The following CSNK2A2 variants were observed in gnomAD, a reference collection of about 807,000 sequenced individuals.
CSNK2A2 encodes casein kinase 2 alpha 2, also known as casein kinase II subunit alpha'.
Under a neutral mutation model 54.0 loss-of-function variants are expected in CSNK2A2, and 8 were observed. The observed-to-expected ratio is 0.15, with a 90% CI of 0.09 to 0.27. CSNK2A2 has a LOEUF of 0.27. Ranked by LOEUF, CSNK2A2 falls within the 10% of genes least tolerant of loss-of-function variation. The pLI is 1.00. For synonymous variants in CSNK2A2, 141 were observed against 153.9 expected, an observed-to-expected ratio of 0.92 and a Z score of 0.62; for missense variants, 242 against 439.4, an observed-to-expected ratio of 0.55 and a Z score of 4.02.
chr16:58,171,979 A>ATATTTTTTTTTTT (rs1261137669), intron 5 of CSNK2A2, among the ~76,000 whole-genome samples: 1 of 66,216 alleles, frequency 1.5e-5, no homozygotes, highest in Non-Finnish European at 2.5e-5. Flanking sequence ...ATATATATAT[A>ATATTTTTTTTTTT]TTTTTTTTTT....
intron 11 of CSNK2A2, chr16:58,158,976 G>C (rs930040667): frequency 2.6e-5 from 4 of 152,164 alleles, no homozygotes; most frequent in African/African-American, 9.7e-5. Flanking sequence ...GTGCCTCCCA[G>C]AACAGCACTA....
chr16:58,166,544 CG>C (rs763640601), intron 9 of CSNK2A2, 39 bp downstream of exon 9: 19 of 1,380,924 alleles, frequency 1.4e-5, no homozygotes, highest in Non-Finnish European at 1.8e-5. Flanking sequence ...ACTTCTGAAA[CG>C]GGGTAAGGTA....
intron 7 of CSNK2A2, among the ~76,000 whole-genome samples, 184 bp downstream of exon 7, chr16:58,167,501 A>G (rs1961601490): frequency 6.6e-6 from 1 of 152,132 alleles, no homozygotes; most frequent in African/African-American, 2.4e-5. Context: ...ACCTTTGCAG[A>G]TATTTTAGAT....
intron 11 of CSNK2A2, chr16:58,159,097 G>A (rs1214609556): frequency 6.6e-6 from 1 of 152,250 alleles, no homozygotes; most frequent in Non-Finnish European, 1.5e-5. Flanking sequence ...TTTGATTTGA[G>A]AAGGGCTGCA....
chr16:58,171,400 G>A (rs1250336404), intron 5 of CSNK2A2, among the ~76,000 whole-genome samples: 1 of 151,962 alleles, frequency 6.6e-6, no homozygotes, highest in Non-Finnish European at 1.5e-5. Flanking sequence ...GTGCGTGCCT[G>A]TAATCCCAAC....
At chr16:58,165,801 T>G (rs1017578071) in intron 9 of CSNK2A2, 93 bp from the exon 10 acceptor site, 5 of 1,343,018 alleles carry the variant, frequency 3.7e-6, no homozygotes, top group African/African-American at 2.9e-5. Context: ...CTCAGAATAA[T>G]GTACTGATTA....
chr16:58,168,462 T>A (rs2142414142), intron 6 of CSNK2A2, 148 bp downstream of exon 6: 1 of 599,044 alleles, frequency 1.7e-6, no homozygotes, highest in East Asian at 2.9e-5. Context: ...AAAGTAGAAA[T>A]CAACAATGGA....
rs1961205951 is a variant in CSNK2A2, at chr16:58,158,258, T to A, written c.*113A>T. On this transcript the variant is annotated 3_prime_UTR_variant, in exon 12 of 12. Transcript: ENST00000262506. ...GTGCTCGCCAAACCTGCCACCGTTTTGTGTCTGCTCACGGAACGTGATCTC... is the reference window on the plus strand; with the variant it reads ...GTGCTCGCCAAACCTGCCACCGTTTAGTGTCTGCTCACGGAACGTGATCTC... 1 of 152,706 alleles carries A rather than the reference T, an allele frequency of 6.5e-6. No individual in the cohort carries two copies. The allele number at this position is 152,706 out of a possible 1,614,324, so 9.5% of individuals were successfully genotyped here.
Position 58,165,711 on chromosome 16 carries a change from G to C in CSNK2A2, c.828-3C>G, listed in dbSNP as rs758745303. 2.5e-6 allele frequency: 4 copies of C among 1,606,426 alleles called. No homozygotes were observed. Among genetic ancestry groups the C allele is most frequent in the South Asian group, 1.1e-5 (1 of 89,406 alleles). ...TTTCCCAGCGTTTCCGTGAATGTCT[G>C]AGAAGAAAAATGAAGCATTAGTAAC... On this transcript the variant is annotated splice_region_variant and splice_polypyrimidine_tract_variant and intron_variant, in intron 9 of 11. Transcript: ENST00000262506.
chr16:58,191,242 T>C (rs1485247412), intron 2 of CSNK2A2, among the ~76,000 whole-genome samples: 1 of 152,210 alleles, frequency 6.6e-6, no homozygotes, highest in Non-Finnish European at 1.5e-5. Context: ...TACTGTTTAA[T>C]GGATAGAGTT....
intron 2 of CSNK2A2, among the ~76,000 whole-genome samples, chr16:58,194,564 A>T (rs1232081806): frequency 6.6e-6 from 1 of 152,240 alleles, no homozygotes; most frequent in Non-Finnish European, 1.5e-5. Context: ...ACATTTCATT[A>T]ACTAGGGGCC....
intron 5 of CSNK2A2, among the ~76,000 whole-genome samples, chr16:58,171,979 A>ATTTTTT (rs746200172): frequency 3.0e-5 from 2 of 66,186 alleles, no homozygotes; most frequent in African/African-American, 8.4e-5. Context: ...ATATATATAT[A>ATTTTTT]TTTTTTTTTT....
intron 4 of CSNK2A2, among the ~76,000 whole-genome samples, chr16:58,177,392 A>C (rs1961911025): frequency 1.3e-5 from 2 of 152,234 alleles, no homozygotes; most frequent in Admixed American, 1.3e-4. Context: ...CAAAAAATAA[A>C]TGACTTAAAA....
In CSNK2A2 at chr16:58,197,245, C is replaced by T. The variant is rs1962480388; in HGVS notation, c.104+388G>A. 3.6e-6 allele frequency: 1 copy of T among 280,406 alleles called. No individual in the cohort carries two copies. The highest frequency in any genetic ancestry group is 4.7e-5 in the Admixed American group (1 of 21,248). The allele number at this position is 280,406 out of a possible 1,614,324, so 17.4% of individuals were successfully genotyped here. ...TCTTTAAGAAATTTCCTCCCACCACCTCATCTCAGAAAACCTAAAAGGCAG... is the reference window on the plus strand; with the variant it reads ...TCTTTAAGAAATTTCCTCCCACCACTTCATCTCAGAAAACCTAAAAGGCAG... On this transcript the variant is annotated intron_variant, in intron 1 of 11. Transcript: ENST00000262506. This position sits in a 1 kb window ranked among gnomAD's most constrained non-coding sequence, Gnocchi z 4.0.
intron 11 of CSNK2A2, chr16:58,159,792 G>C (rs997339358): frequency 6.6e-6 from 1 of 152,180 alleles, no homozygotes; most frequent in Admixed American, 6.5e-5. Context: ...GGTCCTTGAA[G>C]ATTATCCAAG....
chr16:58,168,891 G>C (rs1961649518), intron 5 of CSNK2A2, among the ~76,000 whole-genome samples, 198 bp from the exon 6 acceptor site: 2 of 152,118 alleles, frequency 1.3e-5, no homozygotes, highest in Non-Finnish European at 2.9e-5. Flanking sequence ...TGGTAGAAAG[G>C]GGGTATGAAG....
chr16:58,159,490 A>T (rs1395932650), intron 11 of CSNK2A2: 1 of 152,192 alleles, frequency 6.6e-6, no homozygotes, highest in Non-Finnish European at 1.5e-5. Context: ...TTTGCAATTC[A>T]AGGTTTATCC....
At chr16:58,182,374 CAAAAAAAAAAAAAAAAAAAA>C (rs71155249) in intron 4 of CSNK2A2, among the ~76,000 whole-genome samples, 5 of 25,738 alleles carry the variant, frequency 1.9e-4, no homozygotes, top group Admixed American at 1.2e-3. Context: ...CTAAATATAC[CAAAAAAAAAAAAAAAAAAAA>C]AAAAAAAAAA....
chr16:58,180,376 T>G (rs1171744531), intron 4 of CSNK2A2, among the ~76,000 whole-genome samples: 8 of 151,836 alleles, frequency 5.3e-5, no homozygotes, highest in African/African-American at 1.9e-4. Flanking sequence ...CCAGAGTTTT[T>G]TTTTTTTTTT....
Sources: gnomAD v4.1 joint callset for allele counts (sites outside exome capture counted in the v4.1 genomes callset) on GRCh38, gnomAD v4.1.1 for gene constraint, Gnocchi (gnomAD v3.1) non-coding constraint, MANE v1.5 for transcripts, NCBI Gene and HGNC (gene_info 2026-07-23, HGNC 2026-07-21) for gene names.